DLC1: variants seen among roughly 807,000 people sequenced by gnomAD.
DLC1 encodes rho GTPase-activating protein 7.
In DLC1, 54 loss-of-function variants were observed where a neutral mutation model predicts 140.3. That is an observed-to-expected ratio of 0.38 (90% CI 0.31 to 0.48). The LOEUF (loss-of-function observed/expected upper bound fraction) is 0.48. DLC1 is among the 20% of genes least tolerant of loss of function. The pLI, the probability that DLC1 is intolerant of heterozygous loss-of-function variation, is 0.96. For missense variants in DLC1, 2,536 were observed against 1,907.0 expected (o/e 1.33, Z -6.14); for synonymous variants, 986 against 728.1 (o/e 1.35, Z -5.70).
intron 2 of DLC1, among the ~76,000 whole-genome samples, chr8:13,433,034 C>T (rs1252624441): frequency 1.4e-5 from 2 of 138,740 alleles, no homozygotes; most frequent in Non-Finnish European, 3.0e-5. Context: ...TTGGAAGGAA[C>T]AGTTATTGAT....
chr8:13,393,253 G>A (rs1050271216), intron 4 of DLC1, among the ~76,000 whole-genome samples: 1 of 143,376 alleles, frequency 7.0e-6, no homozygotes. Flanking sequence ...GTAGGGAAAG[G>A]CATCTCCAGA....
intron 12 of DLC1, among the ~76,000 whole-genome samples, chr8:13,094,286 G>A (rs1036845896): frequency 6.6e-6 from 1 of 152,154 alleles, no homozygotes; most frequent in African/African-American, 2.4e-5. Context: ...TAATTACACA[G>A]AAACCTGTTC....
At chr8:13,156,397 G>A (rs1029594149) in intron 5 of DLC1, among the ~76,000 whole-genome samples, 10 of 152,178 alleles carry the variant, frequency 6.6e-5, no homozygotes, top group East Asian at 1.9e-4. Flanking sequence ...GTGAGAGTGC[G>A]CTGGGTGTAC....
intron 5 of DLC1, among the ~76,000 whole-genome samples, chr8:13,193,720 C>A (rs1563153975): frequency 6.6e-6 from 1 of 152,278 alleles, no homozygotes; most frequent in Non-Finnish European, 1.5e-5. Flanking sequence ...GATGATTCAA[C>A]CTCTTTGAGT....
intron 1 of DLC1, among the ~76,000 whole-genome samples, chr8:13,601,592 A>T (rs1292442000): frequency 2.7e-5 from 4 of 150,804 alleles, no homozygotes; most frequent in Non-Finnish European, 5.9e-5. Context: ...GGGATATGAG[A>T]TGGTAACTTG....
chr8:13,170,585 C>G (rs930009738), intron 5 of DLC1, among the ~76,000 whole-genome samples: 25 of 152,036 alleles, frequency 1.6e-4, no homozygotes, highest in African/African-American at 5.8e-4. Flanking sequence ...AAAAAATTAG[C>G]TGGGCATGGT....
intron 3 of DLC1, among the ~76,000 whole-genome samples, chr8:13,397,120 C>T (rs561791394): frequency 6.6e-6 from 1 of 152,158 alleles, no homozygotes; most frequent in African/African-American, 2.4e-5. Context: ...GTGCTTATAC[C>T]ACTCAACTCT....
intron 5 of DLC1, among the ~76,000 whole-genome samples, chr8:13,238,065 C>G (rs1055530667): frequency 2.6e-5 from 4 of 152,130 alleles, no homozygotes; most frequent in African/African-American, 7.2e-5. Flanking sequence ...AAACATTTAG[C>G]TTTGCATTTA....
intron 5 of DLC1, among the ~76,000 whole-genome samples, chr8:13,291,854 A>C (rs1347207934): frequency 6.6e-6 from 1 of 152,230 alleles, no homozygotes; most frequent in African/African-American, 2.4e-5. Context: ...ATAGAGACAG[A>C]GCAAGAGGCT....
chr8:13,266,262 C>G (rs1368858798), intron 5 of DLC1, among the ~76,000 whole-genome samples: 4 of 152,194 alleles, frequency 2.6e-5, no homozygotes, highest in East Asian at 1.9e-4. Context: ...TGTGTTCCAT[C>G]TACAAGGGAA....
At chr8:13,115,925 C>T (rs1222234571) in intron 5 of DLC1, among the ~76,000 whole-genome samples, 3 of 152,136 alleles carry the variant, frequency 2.0e-5, no homozygotes. Flanking sequence ...TGTGCTGCTT[C>T]TGAAGTGCTC....
rs559893611 is a variant in DLC1 at position 13,405,050 on chromosome 8, T to G, written c.1024-3431A>C. ...AATTTTGTGTACTTCTGGAGGATTT[T>G]TTTTTTTTAGTAGTGGTTCCTTTTG... On this transcript the variant is annotated intron_variant, in intron 2 of 17. Transcript: ENST00000276297. Among the ~76,000 whole-genome samples the G allele has an allele frequency of 4.6e-5, 7 of 152,202 alleles. No homozygotes were observed. In the South Asian group the frequency reaches 1.5e-3, roughly 32 times the overall value.
intron 1 of DLC1, among the ~76,000 whole-genome samples, chr8:13,508,444 G>A (rs1802206662): frequency 6.7e-6 from 1 of 150,176 alleles, no homozygotes; most frequent in Admixed American, 6.6e-5. Flanking sequence ...TTGAGACGGA[G>A]TCTCGCTCTG....
intron 5 of DLC1, among the ~76,000 whole-genome samples, chr8:13,198,961 C>T (rs1827221520): frequency 6.6e-6 from 1 of 152,026 alleles, no homozygotes. Flanking sequence ...AGGTGGTGTG[C>T]CCGCCTTGGC....
intron 4 of DLC1, among the ~76,000 whole-genome samples, chr8:13,362,158 G>T (rs1729151): frequency 0.47 from 70,932 of 152,002 alleles, 17,572 homozygotes; most frequent in East Asian, 0.77. Flanking sequence ...GCACATACTG[G>T]TCTACAGAGT....
chr8:13,372,510 C>T (rs1207015193), intron 4 of DLC1, among the ~76,000 whole-genome samples: 1 of 152,178 alleles, frequency 6.6e-6, no homozygotes, highest in African/African-American at 2.4e-5. Context: ...GAGACGCCAA[C>T]ACAGTGCAGA....
intron 1 of DLC1, among the ~76,000 whole-genome samples, chr8:13,551,314 G>A (rs945181553): frequency 5.9e-5 from 9 of 151,940 alleles, no homozygotes; most frequent in African/African-American, 2.2e-4. Flanking sequence ...ACATATCTCT[G>A]GGAGTACATA....
chr8:13,169,347 C>G (rs1332434850), intron 5 of DLC1, among the ~76,000 whole-genome samples: 2 of 152,050 alleles, frequency 1.3e-5, no homozygotes, highest in African/African-American at 4.8e-5. Context: ...CATATGAGAA[C>G]GTGGGAAAAT....
At chr8:13,488,137 G>C (rs76558819) in intron 2 of DLC1, among the ~76,000 whole-genome samples, 2 of 152,262 alleles carry the variant, frequency 1.3e-5, no homozygotes, top group East Asian at 3.9e-4. Flanking sequence ...CAATTATGCT[G>C]ACCTTGTTAT....
Sources: allele counts gnomAD v4.1 joint callset (sites outside exome capture counted in the v4.1 genomes callset), GRCh38; gene constraint gnomAD v4.1.1; transcripts MANE v1.5; gene names NCBI Gene and HGNC (gene_info 2026-07-23, HGNC 2026-07-21).